SPATA31H1: variants seen among roughly 807,000 people sequenced by gnomAD.
SPATA31H1 encodes spermatogenesis-associated protein 31H1.
At chr2:27,557,950 G>GCCGACCCCCCC in the SPATA31H1 span, among the ~76,000 whole-genome samples, 1 of 4,706 alleles carries the variant, frequency 2.1e-4, no homozygotes, top group Non-Finnish European at 6.5e-4. Context: ...GGGGCGGCTG[G>GCCGACCCCCCC]CCAGGCAGAG....
the SPATA31H1 span, chr2:27,578,750 T>C: frequency 6.2e-7 from 1 of 1,614,166 alleles, no homozygotes. Context: ...AAGTAGGGAC[T>C]GACTTCTCTA....
the SPATA31H1 span, among the ~76,000 whole-genome samples, chr2:27,539,756 CCG>C: frequency 8.8e-5 from 5 of 56,800 alleles, no homozygotes; most frequent in African/African-American, 2.6e-4. Flanking sequence ...CTGACCCCCC[CCG>C]CCCCCGGACG....
At chr2:27,560,762 T>A in the SPATA31H1 span, among the ~76,000 whole-genome samples, 1 of 152,168 alleles carries the variant, frequency 6.6e-6, no homozygotes, top group Non-Finnish European at 1.5e-5. Context: ...CCAGCCTCCA[T>A]AAAGAATATT....
At chr2:27,549,928 A>G in the SPATA31H1 span, among the ~76,000 whole-genome samples, 15 of 152,092 alleles carry the variant, frequency 9.9e-5, no homozygotes, top group South Asian at 3.1e-3. Flanking sequence ...AGGTGCTGGG[A>G]TTACAGGCAT....
the SPATA31H1 span, chr2:27,581,945 C>G: frequency 6.2e-7 from 1 of 1,613,712 alleles, no homozygotes; most frequent in Non-Finnish European, 8.5e-7. Context: ...AAAGCCATCA[C>G]AGTCCCTCTG....
the SPATA31H1 span, among the ~76,000 whole-genome samples, chr2:27,545,814 C>T: frequency 5.3e-5 from 8 of 151,732 alleles, no homozygotes; most frequent in Non-Finnish European, 8.8e-5. Flanking sequence ...CTGCCCCCCT[C>T]GGTCTCCCAA....
At chr2:27,580,207 C>A in the SPATA31H1 span, 2 of 1,614,200 alleles carry the variant, frequency 1.2e-6, no homozygotes. Context: ...AAGAGTCCTA[C>A]TTCCACAATA....
chr2:27,576,657 T>C, the SPATA31H1 span: 5 of 1,613,680 alleles, frequency 3.1e-6, no homozygotes, highest in Non-Finnish European at 3.4e-6. Flanking sequence ...ATCAATGATG[T>C]TGGTACCAGA....
the SPATA31H1 span, among the ~76,000 whole-genome samples, chr2:27,544,538 T>A: frequency 4.0e-5 from 6 of 150,800 alleles, no homozygotes; most frequent in East Asian, 5.9e-4. Context: ...AATTTTTTTT[T>A]TTTTTTTTTT....
the SPATA31H1 span, chr2:27,582,273 C>T: frequency 1.2e-6 from 2 of 1,614,038 alleles, no homozygotes; most frequent in Admixed American, 1.7e-5. Context: ...TGAGAGGAGC[C>T]ATCGCAGTTC....
the SPATA31H1 span, chr2:27,581,329 C>T: frequency 6.2e-7 from 1 of 1,613,998 alleles, no homozygotes; most frequent in Non-Finnish European, 8.5e-7. Flanking sequence ...CACAGTCCCT[C>T]TCAGAGGAGC....
At chr2:27,537,490 G>GT in the SPATA31H1 span, 13 of 717,050 alleles carry the variant, frequency 1.8e-5, no homozygotes, top group Admixed American at 8.0e-5. Flanking sequence ...ATTATTGTTT[G>GT]TTTTTTTTAT....
chr2:27,540,300 C>T, the SPATA31H1 span, among the ~76,000 whole-genome samples: 12 of 116,178 alleles, frequency 1.0e-4, no homozygotes, highest in Non-Finnish European at 1.4e-4. Context: ...CCGGACGGGG[C>T]GGCTGGCCGG....
At chr2:27,578,729 A>G in the SPATA31H1 span, 1 of 1,614,198 alleles carries the variant, frequency 6.2e-7, no homozygotes, top group South Asian at 1.1e-5. Flanking sequence ...AGTTAACATC[A>G]GAAGAGTTAC....
At chr2:27,577,453 C>A in the SPATA31H1 span, 10 of 1,613,926 alleles carry the variant, frequency 6.2e-6, no homozygotes, top group African/African-American at 1.3e-4. This position sits in a 1 kb window ranked among gnomAD's most constrained non-coding sequence, Gnocchi z 4.5. Context: ...TTTGGAATGA[C>A]CCCAAAGCCA....
the SPATA31H1 span, chr2:27,566,489 T>G: frequency 1.5e-6 from 1 of 655,012 alleles, no homozygotes. Flanking sequence ...AGAGAGAGTT[T>G]GTTTTGTCTG....
At chr2:27,579,884 C>T in the SPATA31H1 span, 771 of 1,614,208 alleles carry the variant, frequency 4.8e-4, 8 homozygotes, top group South Asian at 5.9e-3. Context: ...AAATACCCCC[C>T]GATGTGCCTC....
chr2:27,576,544 C>G, the SPATA31H1 span: 2 of 1,511,660 alleles, frequency 1.3e-6, no homozygotes, highest in African/African-American at 1.4e-5. Flanking sequence ...GCCTTTGCAT[C>G]GAAGCCATGC....
the SPATA31H1 span, among the ~76,000 whole-genome samples, chr2:27,545,289 C>T: frequency 1.3e-5 from 2 of 152,024 alleles, no homozygotes; most frequent in Non-Finnish European, 2.9e-5. Context: ...TCCCAAAGTG[C>T]TGGGATTACA....
Sources: gnomAD v4.1 joint callset for allele counts (sites outside exome capture counted in the v4.1 genomes callset) on GRCh38, gnomAD v4.1.1 for gene constraint, Gnocchi (gnomAD v3.1) non-coding constraint, MANE v1.5 for transcripts, NCBI Gene and HGNC (gene_info 2026-07-23, HGNC 2026-07-21) for gene names.